Variants in HDAC7 observed in about 807,000 individuals in gnomAD.
HDAC7 encodes histone deacetylase 7.
HDAC7 carries 26 observed loss-of-function variants against 115.5 expected under a neutral mutation model. That is an observed-to-expected ratio of 0.23 (90% confidence interval 0.16 to 0.31). The LOEUF (loss-of-function observed/expected upper bound fraction) is 0.31. HDAC7 is among the 10% of genes least tolerant of loss of function. HDAC7 has a pLI of 1.00. For missense variants in HDAC7, 1,068 were observed against 1,329.0 expected, an observed-to-expected ratio of 0.80 and a Z score of 3.05; for synonymous variants, 564 against 550.9, an observed-to-expected ratio of 1.02 and a Z score of -0.33.
chr12:47,819,076 C>T (rs149907452), intron 1 of HDAC7: 10 of 152,654 alleles, frequency 6.6e-5, no homozygotes, highest in African/African-American at 2.4e-4. Context: ...GCCTGCGGCG[C>T]CCCGCTTCCC....
intron 18 of HDAC7, 44 bp downstream of exon 18, chr12:47,789,479 C>A (rs765030024): frequency 3.7e-6 from 6 of 1,600,160 alleles, no homozygotes; most frequent in Non-Finnish European, 5.1e-6. Context: ...TTCCTGGGGG[C>A]TTGCCCCCCA....
At chr12:47,817,078 AG>A (rs1417005049) in intron 1 of HDAC7, among the ~76,000 whole-genome samples, 1 of 152,210 alleles carries the variant, frequency 6.6e-6, no homozygotes, top group Admixed American at 6.5e-5. Context: ...TGGGGCCTCC[AG>A]GGAAGGTTAC....
In HDAC7 at chr12:47,797,989, G is replaced by A; in HGVS notation, c.461+119C>T. 1.3e-6 allele frequency: 1 copy of A among 760,974 alleles called. No individual in the cohort carries two copies. Among genetic ancestry groups the A allele is most frequent in the Admixed American group, 1.8e-5 (1 of 56,890 alleles). 47.1% of individuals were successfully genotyped at this position (760,974 alleles called of 1,614,324 possible). A position where few individuals can be genotyped will look rare whatever the true frequency, so the allele number is the denominator to read the frequency against. ...CGGGGGCATTATGTTTAGAGGAAGG[G>A]TAAGGACTGGTTGTGGCAACTGGGG... On this transcript the variant is annotated intron_variant, in intron 5 of 25. Transcript: ENST00000080059. The surrounding 1 kb of genome is among the most constrained non-coding windows in gnomAD (Gnocchi z 5.5).
chr12:47,809,488 T>A (rs907185833), intron 1 of HDAC7, among the ~76,000 whole-genome samples: 1 of 152,172 alleles, frequency 6.6e-6, no homozygotes. Flanking sequence ...TCAACAATCA[T>A]GTGTTAATGC....
intron 1 of HDAC7, among the ~76,000 whole-genome samples, chr12:47,812,145 G>A (rs1227656247): frequency 2.6e-5 from 4 of 152,238 alleles, no homozygotes; most frequent in Non-Finnish European, 5.9e-5. Flanking sequence ...CCTCTCCAGG[G>A]CCAGCTGGCT....
intron 1 of HDAC7, among the ~76,000 whole-genome samples, chr12:47,815,371 G>C (rs1944822134): frequency 6.6e-6 from 1 of 152,156 alleles, no homozygotes; most frequent in Non-Finnish European, 1.5e-5. Context: ...CAAAGTCCTG[G>C]ACAGGTCTTA....
chr12:47,783,946 T>C (rs974939211), intron 25 of HDAC7, 60 bp from the exon 26 acceptor site: 48 of 1,608,678 alleles, frequency 3.0e-5, no homozygotes, highest in Non-Finnish European at 3.7e-5. Context: ...GGGCCTTAGC[T>C]AAGCTTCCTC....
Position 47,795,879 on chromosome 12 carries a change from G to T in HDAC7, c.906+27C>A, listed in dbSNP as rs1207099701. On this transcript the variant is annotated intron_variant, in intron 9 of 25. Transcript: ENST00000080059. This position sits in a 1 kb window ranked among gnomAD's most constrained non-coding sequence, Gnocchi z 4.3. ...GTGAAAGAAGCTGGGGGGGCTTGGA[G>T]TGGGGGTGGGCACCCCAGCCACTCA... The T allele has an allele frequency of 1.3e-6, 2 of 1,530,854 alleles. No homozygotes were observed. The highest frequency in any genetic ancestry group is 1.8e-6 in the Non-Finnish European group (2 of 1,133,158). 94.8% of individuals were successfully genotyped at this position (1,530,854 alleles called of 1,614,324 possible). A position where few individuals can be genotyped will look rare whatever the true frequency, so the allele number is the denominator to read the frequency against.
At chr12:47,784,797 A>T (rs1261278799) in intron 24 of HDAC7, 6 of 1,534,930 alleles carry the variant, frequency 3.9e-6, no homozygotes, top group African/African-American at 1.4e-5. Context: ...GTGTGAGGGC[A>T]CCCACCGTAA....
chr12:47,802,110 G>T, intron 2 of HDAC7, 114 bp downstream of exon 2: 1 of 1,154,184 alleles, frequency 8.7e-7, no homozygotes, highest in Non-Finnish European at 1.2e-6. Context: ...TGGCTCTCTG[G>T]CAGATCAGCC....
intron 1 of HDAC7, among the ~76,000 whole-genome samples, chr12:47,813,675 G>A: frequency 6.8e-6 from 1 of 146,472 alleles, no homozygotes; most frequent in South Asian, 2.1e-4. Context: ...GGGCCTTCCT[G>A]ACGAGGAGAA....
intron 23 of HDAC7, 43 bp from the exon 24 acceptor site, chr12:47,785,514 A>C: frequency 6.4e-7 from 1 of 1,568,120 alleles, no homozygotes; most frequent in South Asian, 1.2e-5. Flanking sequence ...TCAGGGACCC[A>C]CAGGCCCAGC....
chr12:47,818,954 T>A (rs186162057), intron 1 of HDAC7, among the ~76,000 whole-genome samples: 3 of 152,314 alleles, frequency 2.0e-5, no homozygotes, highest in African/African-American at 7.2e-5. Context: ...CTAGAAACTC[T>A]GGTCGTGGGA....
intron 13 of HDAC7, chr12:47,792,227 C>T: frequency 1.7e-6 from 1 of 573,912 alleles, no homozygotes; most frequent in Non-Finnish European, 3.1e-6. Context: ...GTGGCAGCAG[C>T]CAACACATCA....
rs1944040294 is a variant in HDAC7, at chr12:47,799,158, T to C, written c.71-186A>G. The C allele has an allele frequency of 2.7e-5, 15 of 554,750 alleles. No homozygotes were observed. The South Asian group carries it at 4.1e-4, about 15-fold the overall frequency. The allele number at this position is 554,750 out of a possible 1,614,324, so 34.4% of individuals were successfully genotyped here. On this transcript the variant is annotated intron_variant, in intron 2 of 25. Coordinates refer to ENST00000080059, the MANE Select transcript of HDAC7 (RefSeq NM_015401.5). ...GGTATTATCAATTCCATTTTACTCG[T>C]GAGAAAAAAGTCACATGAACTGTGC...
In HDAC7 at chr12:47,782,985, AC is replaced by A. The variant is rs1473077183; in HGVS notation, c.*855del. The A allele has an allele frequency of 6.6e-6, 1 of 152,106 alleles. No homozygotes were observed. Among genetic ancestry groups the A allele is most frequent in the Non-Finnish European group, 1.5e-5 (1 of 67,910 alleles). The allele number at this position is 152,106 out of a possible 1,614,324, so 9.4% of individuals were successfully genotyped here. ...CCTCCATGTCTGTATCTTCTCTCCC[AC>A]CCCTTCCCCCTCAGTCAGGCTACTC... On this transcript the variant is annotated 3_prime_UTR_variant, in exon 26 of 26. Transcript: ENST00000080059.
Position 47,789,544 on chromosome 12 carries a change from T to C in HDAC7, c.2126A>G (p.His709Arg). 6.2e-7 allele frequency: 1 copy of C among 1,614,210 alleles called. No individual in the cohort carries two copies. Among genetic ancestry groups the C allele is most frequent in the Non-Finnish European group, 8.5e-7 (1 of 1,180,026 alleles). Residue 709 changes from histidine to arginine, a missense_variant, in exon 18 of 26, where the codon CAT (histidine) becomes CGT (arginine). His to Arg is a conservative substitution (Grantham distance 29). This residue lies in a region of HDAC7 where 182 missense variants were observed against 301.1 expected (regional missense o/e 0.60). Transcript: ENST00000080059. ...TTACATGGCTGTTGAATGATCTGCA[T>C]GGTGTCCTGGGGGCCGCACCACAGC... ...GFAVVRPPGH[H>R]ADHSTAMGFC...
chr12:47,791,337 C>T (rs748111427), intron 15 of HDAC7, 29 bp from the exon 16 acceptor site: 124 of 1,550,274 alleles, frequency 8.0e-5, no homozygotes, highest in Admixed American at 9.6e-5. Flanking sequence ...CCCACGTCAG[C>T]GTGAATACTC....
At chr12:47,789,128 TTTTACACAAG>T (rs1943333878) in intron 19 of HDAC7, 123 bp downstream of exon 19, 2 of 755,340 alleles carry the variant, frequency 2.6e-6, no homozygotes, top group African/African-American at 3.5e-5. Flanking sequence ...TTCACCCAAA[TTTTACACAAG>T]GGGAAACTGA....
Sources: gnomAD v4.1 joint callset for allele counts (sites outside exome capture counted in the v4.1 genomes callset) on GRCh38, gnomAD v4.1.1 for gene constraint, gnomAD v4.1.1 regional missense constraint, Gnocchi (gnomAD v3.1) non-coding constraint, MANE v1.5 for transcripts, NCBI Gene and HGNC (gene_info 2026-07-23, HGNC 2026-07-21) for gene names.